Variants in PRKCB observed in about 807,000 individuals in gnomAD.
PRKCB encodes protein kinase C beta.
In PRKCB, 13 loss-of-function variants were observed where a neutral mutation model predicts 81.5. That is an observed-to-expected ratio of 0.16 (90% CI 0.10 to 0.25). PRKCB has a LOEUF of 0.25. Among genes scored for constraint, PRKCB ranks in the 10% least tolerant of loss-of-function variants. The pLI is 1.00. For missense variants in PRKCB, 509 were observed against 875.7 expected (o/e 0.58, Z 5.29); for synonymous variants, 335 against 321.4 (o/e 1.04, Z -0.45).
chr16:24,149,175 G>A (rs964698471), intron 9 of PRKCB, among the ~76,000 whole-genome samples: 3 of 152,200 alleles, frequency 2.0e-5, no homozygotes, highest in Non-Finnish European at 4.4e-5. Flanking sequence ...ACTGACAGAA[G>A]CTACAGCCTC....
chr16:24,215,151 A>T lies in PRKCB; in HGVS notation c.*335A>T. 9.5e-7 allele frequency: 1 copy of T among 1,057,126 alleles called. No individual in the cohort carries two copies. Among genetic ancestry groups the T allele is most frequent in the Non-Finnish European group, 1.1e-6 (1 of 872,628 alleles). The allele number at this position is 1,057,126 out of a possible 1,614,324, so 65.5% of individuals were successfully genotyped here. A position where few individuals can be genotyped will look rare whatever the true frequency, so the allele number is the denominator to read the frequency against. Reference sequence around the variant, plus strand: ...CCTCTTTTTCTGCACTGCCATATTCACCCCCAACCATCCAATCTGTGGATA... The same window carrying T: ...CCTCTTTTTCTGCACTGCCATATTCTCCCCCAACCATCCAATCTGTGGATA... On this transcript the variant is annotated 3_prime_UTR_variant, in exon 17 of 17. Transcript: ENST00000643927.
intron 8 of PRKCB, among the ~76,000 whole-genome samples, chr16:24,122,597 T>C (rs1966812937): frequency 6.6e-6 from 1 of 152,076 alleles, no homozygotes; most frequent in South Asian, 2.1e-4. Context: ...GTAGCTGGGA[T>C]GACAGGTGCA....
At chr16:24,170,328 G>A (rs1261043495) in intron 10 of PRKCB, among the ~76,000 whole-genome samples, 1 of 151,610 alleles carries the variant, frequency 6.6e-6, no homozygotes, top group African/African-American at 2.4e-5. Flanking sequence ...TGTGGTCAGA[G>A]ATTAAAAAAA....
Position 24,220,244 on chromosome 16 carries a change from T to A in PRKCB, c.*5428T>A. 1 of 1,150,734 alleles carries A rather than the reference T, an allele frequency of 8.7e-7. No homozygotes were observed. The highest frequency in any genetic ancestry group is 1.2e-6 in the Non-Finnish European group (1 of 819,704). 71.3% of individuals were successfully genotyped at this position (1,150,734 alleles called of 1,614,324 possible). ...ATGTGGAAAGCTTGTCTTAGAGGGCTTTTCTTTGTATGTGTAGCTTGCTAG... is the reference window on the plus strand; with the variant it reads ...ATGTGGAAAGCTTGTCTTAGAGGGCATTTCTTTGTATGTGTAGCTTGCTAG... On this transcript the variant is annotated 3_prime_UTR_variant, in exon 17 of 17. Coordinates refer to ENST00000643927, the MANE Select transcript of PRKCB (RefSeq NM_002738.7).
rs145732320 is a variant in PRKCB, at chr16:24,046,487, G to A, written c.529+10940G>A. 1.8e-3 allele frequency among the ~76,000 whole-genome samples: 272 copies of A among 152,376 alleles called. 3 individuals are homozygous for A. The highest frequency in any genetic ancestry group is 5.9e-3 in the African/African-American group (247 of 41,588). ...AAAGCGGCATGATGTGATAGAGGGTGGCCAGTGGGCTGAGTGTGATTAGCA... is the reference window on the plus strand; with the variant it reads ...AAAGCGGCATGATGTGATAGAGGGTAGCCAGTGGGCTGAGTGTGATTAGCA... On this transcript the variant is annotated intron_variant, in intron 5 of 16. Coordinates refer to ENST00000643927, the MANE Select transcript of PRKCB (RefSeq NM_002738.7).
At chr16:23,911,506 T>C (rs892976512) in intron 2 of PRKCB, among the ~76,000 whole-genome samples, 2 of 152,176 alleles carry the variant, frequency 1.3e-5, no homozygotes, top group African/African-American at 4.8e-5. Context: ...ATAAGAGCTC[T>C]GTGTTTAACT....
chr16:24,021,327 CT>C lies in PRKCB; in HGVS notation c.289-10807del, dbSNP rs1965395673. Among the ~76,000 whole-genome samples, 57 of 58,982 alleles carry C rather than the reference CT, an allele frequency of 9.7e-4. 6 individuals are homozygous for C. Among genetic ancestry groups the C allele is most frequent in the African/African-American group, 1.5e-3 (18 of 12,222 alleles). 38.7% of individuals were successfully genotyped at this position (58,982 alleles called of 152,430 possible). ...CCTTCCTTCCTTCCTTCCTTCCTTC[CT>C]TCCTTCCTTCCTTCCTTCCTTCCTT... On this transcript the variant is annotated intron_variant, in intron 3 of 16. Coordinates refer to ENST00000643927, the MANE Select transcript of PRKCB (RefSeq NM_002738.7).
chr16:23,898,248 G>C (rs1219091351), intron 2 of PRKCB, among the ~76,000 whole-genome samples: 1 of 152,074 alleles, frequency 6.6e-6, no homozygotes, highest in South Asian at 2.1e-4. Context: ...TGTATTTTTA[G>C]TAGAGACAGG....
chr16:24,156,353 C>T (rs1331266589), intron 10 of PRKCB, among the ~76,000 whole-genome samples: 1 of 152,030 alleles, frequency 6.6e-6, no homozygotes, highest in Non-Finnish European at 1.5e-5. Context: ...TGGCTGACTG[C>T]AGCCTCGATC....
At chr16:24,184,500 A>G (rs1249386832) in intron 13 of PRKCB, among the ~76,000 whole-genome samples, 1 of 152,158 alleles carries the variant, frequency 6.6e-6, no homozygotes, top group African/African-American at 2.4e-5. Context: ...TCCAAATACT[A>G]AAGTGTTTAT....
chr16:24,163,584 G>A (rs1161445274), intron 10 of PRKCB, among the ~76,000 whole-genome samples: 4 of 152,144 alleles, frequency 2.6e-5, no homozygotes. Context: ...TATGTGGAGG[G>A]ACAAGGCTTA....
At chr16:24,146,308 A>G (rs1181550383) in intron 9 of PRKCB, among the ~76,000 whole-genome samples, 1 of 152,190 alleles carries the variant, frequency 6.6e-6, no homozygotes, top group Non-Finnish European at 1.5e-5. Flanking sequence ...ATGCTAGGAA[A>G]CTAGTAGAAC....
At chr16:23,955,645 T>A (rs1009045764) in intron 2 of PRKCB, among the ~76,000 whole-genome samples, 4 of 152,156 alleles carry the variant, frequency 2.6e-5, no homozygotes, top group African/African-American at 4.8e-5. Context: ...GCCTATTTGA[T>A]GTTGGGTAGG....
intron 2 of PRKCB, among the ~76,000 whole-genome samples, chr16:23,874,564 C>CTTT (rs1555480762): frequency 5.2e-5 from 2 of 38,332 alleles, no homozygotes. Flanking sequence ...CCAGATTCTT[C>CTTT]TCTCTTTTTT....
In PRKCB at chr16:24,016,827, C is replaced by G. The variant is rs1476696470; in HGVS notation, c.289-15309C>G. Among the ~76,000 whole-genome samples, 3 of 152,194 alleles carry G rather than the reference C, an allele frequency of 2.0e-5. No homozygotes were observed. In the South Asian group the frequency reaches 6.2e-4, roughly 32 times the overall value. On this transcript the variant is annotated intron_variant, in intron 3 of 16. Transcript: ENST00000643927. ...CTTAGCTCAGCCACAGCACCCAGCT[C>G]TGCACAATTCCTTATTCTAAATTCT... is the stretch of plus-strand genomic sequence containing the variant.
chr16:24,003,510 A>T (rs895991863), intron 3 of PRKCB, among the ~76,000 whole-genome samples: 1 of 151,464 alleles, frequency 6.6e-6, no homozygotes, highest in African/African-American at 2.4e-5. Context: ...TCAGCCTCCC[A>T]AGTAGCTGGG....
chr16:24,177,876 G>T (rs1174496918), intron 12 of PRKCB, among the ~76,000 whole-genome samples: 1 of 152,120 alleles, frequency 6.6e-6, no homozygotes, highest in Admixed American at 6.5e-5. Context: ...ATCCTTTGAT[G>T]AATTCCTTTT....
intron 2 of PRKCB, among the ~76,000 whole-genome samples, chr16:23,864,408 A>G (rs2141092969): frequency 6.6e-6 from 1 of 152,370 alleles, no homozygotes; most frequent in South Asian, 2.1e-4. Flanking sequence ...CCAGGGCAGT[A>G]TAGTGAGAAC....
At chr16:24,140,369 C>T (rs1966886739) in intron 9 of PRKCB, among the ~76,000 whole-genome samples, 1 of 152,144 alleles carries the variant, frequency 6.6e-6, no homozygotes. Flanking sequence ...CTTGTAACCA[C>T]CCGGTGGGAT....
Sources: gnomAD v4.1 joint callset for allele counts (sites outside exome capture counted in the v4.1 genomes callset) on GRCh38, gnomAD v4.1.1 for gene constraint, MANE v1.5 for transcripts, NCBI Gene and HGNC (gene_info 2026-07-23, HGNC 2026-07-21) for gene names.